BRF1: variants seen among roughly 807,000 people sequenced by gnomAD.
The protein encoded by BRF1 is BRF1 general transcription factor IIIB subunit.
BRF1 carries 59 observed loss-of-function variants against 81.7 expected under a neutral mutation model. That is an observed-to-expected ratio of 0.72 (90% CI 0.59 to 0.90). The LOEUF (loss-of-function observed/expected upper bound fraction) is 0.90, where lower values mean the gene tolerates loss of function less well. Among genes scored for constraint, BRF1 ranks in the 40% least tolerant of loss-of-function variants. BRF1 has a pLI of 0.00. For synonymous variants in BRF1, 491 were observed against 395.6 expected (o/e 1.24, Z -2.86); for missense variants, 1,050 against 936.3 (o/e 1.12, Z -1.58).
intron 1 of BRF1, among the ~76,000 whole-genome samples, chr14:105,307,044 C>CT: frequency 6.6e-6 from 1 of 151,638 alleles, no homozygotes; most frequent in South Asian, 2.1e-4. Flanking sequence ...TTTATTTTTT[C>CT]TTTTTTTCTT....
chr14:105,253,946 C>T (rs370147256), intron 4 of BRF1, among the ~76,000 whole-genome samples: 7 of 152,214 alleles, frequency 4.6e-5, no homozygotes, highest in African/African-American at 1.7e-4. Context: ...TGTGTACACA[C>T]GCATACAGTG....
intron 4 of BRF1, among the ~76,000 whole-genome samples, chr14:105,253,735 C>T (rs1174361039): frequency 2.0e-5 from 3 of 152,236 alleles, no homozygotes; most frequent in Non-Finnish European, 2.9e-5. Flanking sequence ...CCCAGTGGGG[C>T]GCAGCTTCCA....
Position 105,315,140 on chromosome 14 carries a change from GC to G in BRF1, c.-162+181del. 1.5e-6 allele frequency: 1 copy of G among 677,728 alleles called. No homozygotes were observed. Among genetic ancestry groups the G allele is most frequent in the Non-Finnish European group, 1.8e-6 (1 of 540,558 alleles). 42.0% of individuals were successfully genotyped at this position (677,728 alleles called of 1,614,324 possible). ...TCCCCGGCCCGGGTCCCCCAGCGGA[GC>G]CCAGGTCGCCCCCCGCGCCCCCGCC... On this transcript the variant is annotated intron_variant, in intron 1 of 17. Transcript: ENST00000327359. This position sits in a 1 kb window ranked among gnomAD's most constrained non-coding sequence, Gnocchi z 4.4.
chr14:105,228,782 T>C, intron 7 of BRF1, 38 bp downstream of exon 7: 3 of 1,609,344 alleles, frequency 1.9e-6, no homozygotes, highest in African/African-American at 1.3e-5. Context: ...TGATGAAGCC[T>C]CTGTGTGGTC....
intron 12 of BRF1, chr14:105,219,857 C>T (rs1257975797): frequency 3.3e-6 from 2 of 600,390 alleles, no homozygotes; most frequent in Non-Finnish European, 5.9e-6. Context: ...AAGCCAGGGG[C>T]CTCTCGACAG....
At chr14:105,267,880 C>T (rs954431146) in intron 3 of BRF1, among the ~76,000 whole-genome samples, 2 of 151,774 alleles carry the variant, frequency 1.3e-5, no homozygotes, top group African/African-American at 2.4e-5. Flanking sequence ...CTGACCTGAA[C>T]GGACGGTTCT....
chr14:105,278,058 T>C lies in BRF1; in HGVS notation c.266-5164A>G, dbSNP rs188363366. On this transcript the variant is annotated intron_variant, in intron 2 of 17. Coordinates refer to ENST00000547530, the MANE Select transcript of BRF1 (RefSeq NM_001519.4). ...ATGAGCCACTGTGCCTGGCCAAATA[T>C]GTTATTAATAAACAGATATTCACAT... Among the ~76,000 whole-genome samples the C allele has an allele frequency of 2.2e-4, 33 of 152,310 alleles. No individual in the cohort carries two copies. In the South Asian group the frequency reaches 3.3e-3, roughly 15 times the overall value.
chr14:105,215,236 CAGAG>C (rs1890910746), intron 15 of BRF1, among the ~76,000 whole-genome samples: 1 of 151,810 alleles, frequency 6.6e-6, no homozygotes, highest in Non-Finnish European at 1.5e-5. Context: ...CCCACGCACA[CAGAG>C]AAACACAGTG....
At chr14:105,264,962 G>A (rs1209102810) in intron 3 of BRF1, among the ~76,000 whole-genome samples, 2 of 151,972 alleles carry the variant, frequency 1.3e-5, no homozygotes, top group African/African-American at 4.8e-5. Flanking sequence ...AGAGAGAGTG[G>A]AGCAGAAACT....
At chr14:105,313,257 A>T (rs1485718182) in intron 1 of BRF1, among the ~76,000 whole-genome samples, 1 of 152,182 alleles carries the variant, frequency 6.6e-6, no homozygotes, top group South Asian at 2.1e-4. Flanking sequence ...TCTGGGGTCA[A>T]TGGGTGCCTG....
chr14:105,259,172 A>G (rs1194812982), intron 3 of BRF1, among the ~76,000 whole-genome samples: 2 of 152,148 alleles, frequency 1.3e-5, no homozygotes, highest in African/African-American at 2.4e-5. Flanking sequence ...AGCCAGGTGC[A>G]GTGGCTCACA....
intron 11 of BRF1, 34 bp from the exon 12 acceptor site, chr14:105,220,164 G>A: frequency 1.9e-6 from 3 of 1,612,308 alleles, no homozygotes; most frequent in African/African-American, 2.7e-5. Context: ...GTCACTCAGG[G>A]CCAGCACTGA....
intron 1 of BRF1, among the ~76,000 whole-genome samples, chr14:105,308,307 C>G (rs2058249455): frequency 1.3e-5 from 2 of 151,992 alleles, no homozygotes; most frequent in African/African-American, 2.4e-5. Context: ...TATGGCAAAA[C>G]AGCATCTCTA....
In BRF1 at chr14:105,219,226, G is replaced by A; in HGVS notation, c.1384C>T (p.Leu462=). The change falls in exon 13 of 18, where the codon CTG becomes TTG. Residue 462 remains leucine, a synonymous_variant. Coordinates refer to ENST00000547530, the MANE Select transcript of BRF1 (RefSeq NM_001519.4). ...IDDLEIDRYI[L]NESEARVKAE... ...TTCACGCGGGCTTCCGACTCATTCA[G>A]GATGTACTGGGCGAGCACAGGGAAG... 2 of 1,612,050 alleles carry A rather than the reference G, an allele frequency of 1.2e-6. No homozygotes were observed. Among genetic ancestry groups the A allele is most frequent in the Non-Finnish European group, 1.7e-6 (2 of 1,178,594 alleles).
chr14:105,295,996 G>C (rs907750646), intron 1 of BRF1, among the ~76,000 whole-genome samples: 4 of 145,372 alleles, frequency 2.8e-5, no homozygotes, highest in African/African-American at 1.0e-4. Flanking sequence ...CAGGAGAATC[G>C]CTTGAACCCA....
chr14:105,229,018 C>G, intron 6 of BRF1, 105 bp from the exon 7 acceptor site: 1 of 1,030,314 alleles, frequency 9.7e-7, no homozygotes, highest in Non-Finnish European at 1.5e-6. Flanking sequence ...AGATGATGGC[C>G]TGAGAAGACG....
intron 5 of BRF1, 179 bp from the exon 6 acceptor site, chr14:105,241,593 C>T (rs976203379): frequency 1.8e-5 from 15 of 814,088 alleles, no homozygotes; most frequent in African/African-American, 1.2e-4. Context: ...GCCATCGCAC[C>T]GAACCCAGGA....
At chr14:105,214,349 C>A (rs1212916271) in intron 15 of BRF1, among the ~76,000 whole-genome samples, 1 of 152,058 alleles carries the variant, frequency 6.6e-6, no homozygotes, top group Non-Finnish European at 1.5e-5. Context: ...GTCAAAGCAG[C>A]CCGAGTGACC....
At chr14:105,250,314 G>A (rs745905311) in intron 5 of BRF1, 5 of 1,613,414 alleles carry the variant, frequency 3.1e-6, no homozygotes, top group Non-Finnish European at 4.2e-6. Flanking sequence ...GTGGACAGAA[G>A]GGTATTTATT....
Sources: gnomAD v4.1 joint callset for allele counts (sites outside exome capture counted in the v4.1 genomes callset) on GRCh38, gnomAD v4.1.1 for gene constraint, Gnocchi (gnomAD v3.1) non-coding constraint, MANE v1.5 for transcripts, NCBI Gene and HGNC (gene_info 2026-07-23, HGNC 2026-07-21) for gene names.